The following NANS variants were observed in gnomAD, a reference collection of about 807,000 sequenced individuals.
NANS encodes the protein N-acetylneuraminate-9-phosphate synthase.
Under a neutral mutation model 33.3 loss-of-function variants are expected in NANS, and 29 were observed. The ratio of observed to expected loss-of-function variants is 0.87; its 90% confidence interval spans 0.65 to 1.19. The LOEUF (loss-of-function observed/expected upper bound fraction) is 1.19, where lower values mean the gene tolerates loss of function less well. Among genes scored for constraint, NANS ranks in the 50% most tolerant of loss-of-function variants. NANS has a pLI of 0.00. For synonymous variants in NANS, 163 were observed against 177.2 expected, an observed-to-expected ratio of 0.92 and a Z score of 0.64; for missense variants, 394 against 461.1, an observed-to-expected ratio of 0.85 and a Z score of 1.33.
intron 4 of NANS, among the ~76,000 whole-genome samples, chr9:98,079,991 A>G (rs1829780608): frequency 6.6e-6 from 1 of 152,214 alleles, no homozygotes; most frequent in Admixed American, 6.5e-5. Flanking sequence ...AGGCAGGTGG[A>G]CCGCTTGAGG....
At position 98,078,286 on chromosome 9, in the gene NANS, T is replaced by G; in HGVS notation, c.542T>G (p.Phe181Cys). The G allele has an allele frequency of 6.2e-7, 1 of 1,613,938 alleles. No homozygotes were observed. The highest frequency in any genetic ancestry group is 8.5e-7 in the Non-Finnish European group (1 of 1,180,000). The part of the protein sequence containing the change: ...IVKPLNPNFC[F>C]LQCTSAYPLQ... ...AAGCCCCTCAACCCCAACTTCTGCTTCTTGCAGTGTACCAGCGCATACCCG... is the reference window on the plus strand; with the variant it reads ...AAGCCCCTCAACCCCAACTTCTGCTGCTTGCAGTGTACCAGCGCATACCCG... The change falls in exon 4 of 6, where the codon TTC (phenylalanine) becomes TGC (cysteine). Residue 181 changes from phenylalanine to cysteine, a missense_variant. Phe to Cys is a radical substitution (Grantham distance 205). Coordinates refer to ENST00000210444, the MANE Select transcript of NANS (RefSeq NM_018946.4).
At chr9:98,066,527 CAG>C (rs1253517236) in intron 2 of NANS, among the ~76,000 whole-genome samples, 1 of 152,180 alleles carries the variant, frequency 6.6e-6, no homozygotes, top group East Asian at 1.9e-4. Context: ...GTAATATTTA[CAG>C]AGTTGTGCAA....
At chr9:98,079,014 C>G (rs1484617158) in intron 4 of NANS, among the ~76,000 whole-genome samples, 1 of 151,976 alleles carries the variant, frequency 6.6e-6, no homozygotes, top group Non-Finnish European at 1.5e-5. Flanking sequence ...TATTTGCTGA[C>G]TCTCTTATTT....
At chr9:98,057,550 G>T (rs1449133650) in intron 1 of NANS, among the ~76,000 whole-genome samples, 2 of 152,174 alleles carry the variant, frequency 1.3e-5, no homozygotes, top group African/African-American at 4.8e-5. Context: ...TGAAAACGGG[G>T]CTTGAAAACA....
At chr9:98,074,001 G>A (rs773302319) in intron 2 of NANS, among the ~76,000 whole-genome samples, 35 of 151,768 alleles carry the variant, frequency 2.3e-4, no homozygotes, top group Non-Finnish European at 3.5e-4. Flanking sequence ...GCCTAGGCTG[G>A]TGTCAAACTC....
intron 1 of NANS, among the ~76,000 whole-genome samples, chr9:98,057,989 C>G (rs1437839803): frequency 8.3e-6 from 1 of 120,286 alleles, no homozygotes; most frequent in Non-Finnish European, 1.6e-5. Context: ...GTGGCATGAT[C>G]CCGGCTCACT....
intron 2 of NANS, 96 bp downstream of exon 2, chr9:98,061,093 G>T (rs1242616404): frequency 4.2e-6 from 5 of 1,192,044 alleles, no homozygotes; most frequent in African/African-American, 3.0e-5. Context: ...TCCAGCCCTT[G>T]CTCATCCTTT....
chr9:98,061,481 T>TAAAA (rs1284256979), intron 2 of NANS, among the ~76,000 whole-genome samples: 13 of 74,674 alleles, frequency 1.7e-4, no homozygotes, highest in African/African-American at 5.7e-4. Context: ...CATCTCAAAT[T>TAAAA]AAAAAAAAAA....
At chr9:98,064,334 A>G (rs1054866605) in intron 2 of NANS, among the ~76,000 whole-genome samples, 1 of 151,656 alleles carries the variant, frequency 6.6e-6, no homozygotes, top group Non-Finnish European at 1.5e-5. Flanking sequence ...GCTCACTGCA[A>G]CCTCCACCTC....
chr9:98,076,563 C>T lies in NANS; in HGVS notation c.349-355C>T, dbSNP rs553092908. On this transcript the variant is annotated intron_variant, in intron 2 of 5. Coordinates refer to ENST00000210444, the MANE Select transcript of NANS (RefSeq NM_018946.4). ...CTAATTTTTATATTTTTAGTAGAGACGGGGTTTCACCATGTTGGTCAGGCT... is the reference window on the plus strand; with the variant it reads ...CTAATTTTTATATTTTTAGTAGAGATGGGGTTTCACCATGTTGGTCAGGCT... 34 of 211,060 alleles carry T rather than the reference C, an allele frequency of 1.6e-4. No individual in the cohort carries two copies. The East Asian group carries it at 4.2e-3, about 26-fold the overall frequency. 13.1% of individuals were successfully genotyped at this position (211,060 alleles called of 1,614,324 possible). A position where few individuals can be genotyped will look rare whatever the true frequency, so the allele number is the denominator to read the frequency against.
intron 5 of NANS, chr9:98,082,091 C>T (rs754318739): frequency 1.3e-5 from 2 of 152,088 alleles, no homozygotes; most frequent in African/African-American, 2.4e-5. Flanking sequence ...TAATAAAACA[C>T]GTAATTTATT....
intron 5 of NANS, 122 bp from the exon 6 acceptor site, chr9:98,082,724 C>T (rs931135796): frequency 2.5e-5 from 21 of 827,742 alleles, no homozygotes; most frequent in African/African-American, 2.0e-4. Context: ...TAGGGGGCAA[C>T]AGAGTGCCTG....
Position 98,080,976 on chromosome 9 carries a change from A to G in NANS, c.764A>G (p.Glu255Gly). 5 of 1,614,156 alleles carry G rather than the reference A, an allele frequency of 3.1e-6. No homozygotes were observed. The highest frequency in any genetic ancestry group is 4.2e-6 in the Non-Finnish European group (5 of 1,180,036). ...GGGAGTGACCACTCGGCCTCGCTGG[A>G]GCCTGGAGAACTGGCCGAGCTGGTG... Reference protein sequence around the residue: ...WKGSDHSASLEPGELAELVRS... With the variant: ...WKGSDHSASLGPGELAELVRS... The change falls in exon 5 of 6, where the codon GAG becomes GGG. Residue 255 changes from glutamate (E) to glycine (G), a missense_variant. Coordinates refer to ENST00000210444, the MANE Select transcript of NANS (RefSeq NM_018946.4).
chr9:98,073,419 G>A (rs1312304054), intron 2 of NANS, among the ~76,000 whole-genome samples: 1 of 151,302 alleles, frequency 6.6e-6, no homozygotes, highest in Non-Finnish European at 1.5e-5. Context: ...CGAGTAGCTG[G>A]GATTACAGAC....
Position 98,076,966 on chromosome 9 carries a change from G to C in NANS, c.397G>C (p.Gly133Arg). The C allele has an allele frequency of 6.2e-7, 1 of 1,610,884 alleles. No homozygotes were observed. Among genetic ancestry groups the C allele is most frequent in the Non-Finnish European group, 8.5e-7 (1 of 1,179,070 alleles). Residue 133 changes from glycine to arginine, a missense_variant, in exon 3 of 6, where the codon GGA (glycine) becomes CGA (arginine). Gly to Arg is a moderately radical substitution (Grantham distance 125). Coordinates refer to ENST00000210444, the MANE Select transcript of NANS (RefSeq NM_018946.4). The stretch of plus-strand genomic sequence containing the variant: ...ACTGAATGTTCCATTTTTCAAAGTT[G>C]GATCTGGAGACACTAATAATTTTCC... Reference protein sequence around the residue: ...HELNVPFFKVGSGDTNNFPYL... With the variant: ...HELNVPFFKVRSGDTNNFPYL...
intron 5 of NANS, chr9:98,081,338 C>A: frequency 1.9e-6 from 1 of 513,786 alleles, no homozygotes; most frequent in East Asian, 3.4e-5. Context: ...TTAGAGTCTT[C>A]CACTAATTCT....
chr9:98,080,230 T>TAAC (rs1197397880), intron 4 of NANS, among the ~76,000 whole-genome samples: 1 of 152,130 alleles, frequency 6.6e-6, no homozygotes, highest in Non-Finnish European at 1.5e-5. Flanking sequence ...AAATAATAAA[T>TAAC]AACAATAAAA....
intron 2 of NANS, among the ~76,000 whole-genome samples, chr9:98,065,483 A>ATT (rs397837187): frequency 0.021 from 1,242 of 58,580 alleles, 107 homozygotes; most frequent in African/African-American, 0.055. Flanking sequence ...TGCCCAGCTA[A>ATT]TTTTTTTTTT....
At chr9:98,072,157 T>C (rs1829365851) in intron 2 of NANS, among the ~76,000 whole-genome samples, 2 of 152,144 alleles carry the variant, frequency 1.3e-5, no homozygotes, top group African/African-American at 4.8e-5. Flanking sequence ...GGAGCCGCAG[T>C]GGCCCCCGTC....
Sources: gnomAD v4.1 joint callset for allele counts (sites outside exome capture counted in the v4.1 genomes callset) on GRCh38, gnomAD v4.1.1 for gene constraint, MANE v1.5 for transcripts, NCBI Gene and HGNC (gene_info 2026-07-23, HGNC 2026-07-21) for gene names.